GABRA3: variants seen among roughly 807,000 people sequenced by gnomAD.
GABRA3 encodes gamma-aminobutyric acid type A receptor subunit alpha3.
In GABRA3, 10 loss-of-function variants were observed where a neutral mutation model predicts 30.1. The ratio of observed to expected loss-of-function variants is 0.33; its 90% CI spans 0.20 to 0.56. The LOEUF (loss-of-function observed/expected upper bound fraction) is 0.56, where lower values mean the gene tolerates loss of function less well. Among genes scored for constraint, GABRA3 ranks in the 20% least tolerant of loss-of-function variants. The pLI, the probability that GABRA3 is intolerant of heterozygous loss-of-function variation, is 0.89. For synonymous variants in GABRA3, 151 were observed against 146.8 expected, an observed-to-expected ratio of 1.03 and a Z score of -0.21; for missense variants, 233 against 392.0, an observed-to-expected ratio of 0.59 and a Z score of 3.42.
At chrX:152,298,473 T>G (rs1358830995) in intron 3 of GABRA3, among the ~76,000 whole-genome samples, 1 of 102,525 alleles carries the variant, frequency 9.8e-6, no homozygotes, top group Non-Finnish European at 2.0e-5. Flanking sequence ...GAACATGCGG[T>G]GTTTGGTTTT....
intron 1 of GABRA3, chrX:152,392,223 C>T: frequency 2.6e-6 from 1 of 386,004 alleles, no homozygotes; most frequent in Non-Finnish European, 5.2e-6. Flanking sequence ...CAAAAGTAGA[C>T]ACCGTAGCAC....
chrX:152,323,412 T>C (rs1207262178), intron 3 of GABRA3, among the ~76,000 whole-genome samples: 1 of 111,684 alleles, frequency 9.0e-6, no homozygotes, highest in Non-Finnish European at 1.9e-5. Context: ...GAAAGTTTCC[T>C]CTCTGCTATG....
rs548193069 is a variant in GABRA3, at chrX:152,303,985, A to T, written c.263-19250T>A. 1.9e-4 allele frequency among the ~76,000 whole-genome samples: 21 copies of T among 112,228 alleles called. No individual in the cohort carries two copies. In the South Asian group the frequency reaches 7.8e-3, roughly 42 times the overall value. ...CAGAACTTAAAGTAAAATATATATT[A>T]AAAAATAGCCATTCTAACTGGCGTG... On this transcript the variant is annotated intron_variant, in intron 3 of 9. Transcript: ENST00000370314.
rs754031118 is a variant in GABRA3, at chrX:152,208,153, G to C, written c.635-9C>G. On this transcript the variant is annotated splice_polypyrimidine_tract_variant and intron_variant, in intron 6 of 9. Transcript: ENST00000370314. ...AGCTGTTGTATAGGCATCTAAGGCA[G>C]AGAAGGGTCAATAAAGAGAAGTTGA... 6 of 1,203,795 alleles carry C rather than the reference G, an allele frequency of 5.0e-6. No individual in the cohort carries two copies. The South Asian group carries it at 1.1e-4, about 22-fold the overall frequency.
chrX:152,401,965 T>A (rs1005819443), intron 1 of GABRA3, among the ~76,000 whole-genome samples: 5 of 111,832 alleles, frequency 4.5e-5, no homozygotes, highest in African/African-American at 1.6e-4. Context: ...AAGCCATTAA[T>A]CCTCTCTGCT....
intron 5 of GABRA3, among the ~76,000 whole-genome samples, chrX:152,227,890 C>T (rs1017868828): frequency 9.9e-5 from 11 of 111,414 alleles, no homozygotes; most frequent in East Asian, 8.6e-4. Flanking sequence ...CTGAGGGTAA[C>T]GGTCTCCTCA....
chrX:152,282,662 G>A (rs1161984545), intron 4 of GABRA3, among the ~76,000 whole-genome samples: 4 of 111,773 alleles, frequency 3.6e-5, no homozygotes, highest in Non-Finnish European at 7.5e-5. Flanking sequence ...CCAATTGTTA[G>A]AAACGTCTCC....
At chrX:152,183,553 G>T (rs1937214622) in intron 9 of GABRA3, among the ~76,000 whole-genome samples, 1 of 109,085 alleles carries the variant, frequency 9.2e-6, no homozygotes, top group African/African-American at 3.3e-5. Flanking sequence ...CCTATTTCAT[G>T]TATTTCTGCT....
chrX:152,266,006 A>G (rs1462682750), intron 4 of GABRA3, among the ~76,000 whole-genome samples: 1 of 111,381 alleles, frequency 9.0e-6, no homozygotes, highest in African/African-American at 3.3e-5. Flanking sequence ...GACTCCTAGT[A>G]AAGAAAAGCC....
chrX:152,327,474 A>G (rs1940083062), intron 3 of GABRA3, among the ~76,000 whole-genome samples: 1 of 112,099 alleles, frequency 8.9e-6, no homozygotes, highest in South Asian at 3.7e-4. Flanking sequence ...TAGCAAATGT[A>G]AAAGAACAGA....
intron 1 of GABRA3, among the ~76,000 whole-genome samples, chrX:152,379,797 T>G (rs1019573380): frequency 9.0e-5 from 10 of 111,418 alleles, no homozygotes; most frequent in African/African-American, 3.3e-5. Context: ...ACTGATATTA[T>G]TTTTAATTGA....
At chrX:152,399,647 A>G (rs1417657886) in intron 1 of GABRA3, among the ~76,000 whole-genome samples, 4 of 111,884 alleles carry the variant, frequency 3.6e-5, no homozygotes, top group Non-Finnish European at 7.5e-5. Flanking sequence ...GAAAAGAGAA[A>G]CCACTGAAGA....
At chrX:152,242,043 A>T (rs1225807357) in intron 5 of GABRA3, among the ~76,000 whole-genome samples, 3 of 111,884 alleles carry the variant, frequency 2.7e-5, no homozygotes, top group African/African-American at 9.8e-5. Flanking sequence ...TGATTTCTAT[A>T]GTACTCAAAA....
intron 1 of GABRA3, among the ~76,000 whole-genome samples, chrX:152,437,532 G>T (rs1112122): frequency 0.54 from 59,419 of 109,889 alleles, 13,040 homozygotes; most frequent in African/African-American, 0.82. Context: ...ATAAACAGAT[G>T]CTGAAGTTTA....
At chrX:152,432,917 G>C (rs889556273) in intron 1 of GABRA3, among the ~76,000 whole-genome samples, 2 of 110,725 alleles carry the variant, frequency 1.8e-5, no homozygotes, top group African/African-American at 6.5e-5. Context: ...TGAAAGGAGA[G>C]CTTAATATTG....
intron 1 of GABRA3, among the ~76,000 whole-genome samples, chrX:152,400,094 C>T (rs1399930375): frequency 9.0e-6 from 1 of 111,531 alleles, no homozygotes; most frequent in Non-Finnish European, 1.9e-5. Flanking sequence ...GATACACACA[C>T]GTCACTCTGA....
At chrX:152,287,717 G>A (rs1337725726) in intron 3 of GABRA3, among the ~76,000 whole-genome samples, 2 of 110,895 alleles carry the variant, frequency 1.8e-5, no homozygotes, top group African/African-American at 6.6e-5. Context: ...AAATGACCAA[G>A]GAAGGTCTTC....
At chrX:152,204,080 A>G (rs1272246848) in intron 7 of GABRA3, among the ~76,000 whole-genome samples, 1 of 111,802 alleles carries the variant, frequency 8.9e-6, no homozygotes, top group Non-Finnish European at 1.9e-5. Flanking sequence ...ATCAATAAAT[A>G]TAGCTAACTA....
intron 3 of GABRA3, among the ~76,000 whole-genome samples, chrX:152,316,459 C>T (rs5970272): frequency 0.03 from 3,295 of 111,504 alleles, 46 homozygotes; most frequent in Non-Finnish European, 0.047. Flanking sequence ...AGGAAAACTT[C>T]CCCAGCCTTG....
Sources: gnomAD v4.1 joint callset for allele counts (sites outside exome capture counted in the v4.1 genomes callset) on GRCh38, gnomAD v4.1.1 for gene constraint, MANE v1.5 for transcripts, NCBI Gene and HGNC (gene_info 2026-07-23, HGNC 2026-07-21) for gene names.